Variants in BTNL8 observed in about 807,000 individuals in gnomAD.
BTNL8 encodes butyrophilin-like protein 8.
Under a neutral mutation model 36.1 loss-of-function variants are expected in BTNL8, and 22 were observed. The ratio of observed to expected loss-of-function variants is 0.61; its 90% CI spans 0.44 to 0.87. BTNL8 has a LOEUF of 0.87. Among genes scored for constraint, BTNL8 ranks in the 40% least tolerant of loss-of-function variants. BTNL8 has a pLI of 0.00. For missense variants in BTNL8, 526 were observed against 616.9 expected, an observed-to-expected ratio of 0.85 and a Z score of 1.56; for synonymous variants, 203 against 235.6, an observed-to-expected ratio of 0.86 and a Z score of 1.27.
At chr5:180,933,538 C>T (rs1758505716) in intron 3 of BTNL8, among the ~76,000 whole-genome samples, 2 of 152,226 alleles carry the variant, frequency 1.3e-5, no homozygotes, top group African/African-American at 4.8e-5. Flanking sequence ...TGCTTTCAAA[C>T]AACCATCGGG....
chr5:180,922,453 A>G (rs1311579746), intron 3 of BTNL8, among the ~76,000 whole-genome samples: 1 of 151,484 alleles, frequency 6.6e-6, no homozygotes, highest in Non-Finnish European at 1.5e-5. Flanking sequence ...TTATTTACCC[A>G]AAAGTCATTC....
At chr5:180,902,223 G>C (rs1756852667) in intron 1 of BTNL8, 1 of 812,118 alleles carries the variant, frequency 1.2e-6, no homozygotes, top group Non-Finnish European at 1.9e-6. Flanking sequence ...GCAGATGGGA[G>C]AGAATGTGGC....
intron 3 of BTNL8, among the ~76,000 whole-genome samples, chr5:180,918,748 G>A (rs1313474411): frequency 6.6e-6 from 1 of 152,182 alleles, no homozygotes; most frequent in East Asian, 1.9e-4. Flanking sequence ...GTCTAGAAAG[G>A]CAGGACAACT....
intron 3 of BTNL8, among the ~76,000 whole-genome samples, 175 bp from the exon 4 acceptor site, chr5:180,947,337 A>G (rs538414853): frequency 6.4e-4 from 97 of 152,346 alleles, no homozygotes; most frequent in African/African-American, 2.1e-3. Context: ...GAAGAAAATT[A>G]AATAGAACCA....
chr5:180,947,481 T>C (rs752462116), intron 3 of BTNL8, 31 bp from the exon 4 acceptor site: 2 of 1,607,762 alleles, frequency 1.2e-6, no homozygotes, highest in Non-Finnish European at 8.5e-7. Context: ...TGTTCACCAA[T>C]AACTAAAATG....
Position 180,929,285 on chromosome 5 carries a change from A to G in BTNL8, c.673+17671A>G, listed in dbSNP as rs146762489. 2.5e-3 allele frequency among the ~76,000 whole-genome samples: 378 copies of G among 152,348 alleles called. 2 individuals are homozygous for G. Among genetic ancestry groups the G allele is most frequent in the African/African-American group, 8.8e-3 (366 of 41,572 alleles). On this transcript the variant is annotated intron_variant, in intron 3 of 7. Transcript: ENST00000340184. ...ACCAATGAGAACAAAGACACAATGTACCAGAACCTCTGGGACACAGCTAAA... is the reference window on the plus strand; with the variant it reads ...ACCAATGAGAACAAAGACACAATGTGCCAGAACCTCTGGGACACAGCTAAA...
intron 3 of BTNL8, among the ~76,000 whole-genome samples, chr5:180,947,005 A>G (rs763332674): frequency 3.1e-4 from 47 of 152,238 alleles, no homozygotes; most frequent in Non-Finnish European, 6.5e-4. Flanking sequence ...ATTCCATTCA[A>G]AATCTCAGCA....
intron 3 of BTNL8, among the ~76,000 whole-genome samples, chr5:180,913,666 T>G (rs1757503552): frequency 6.6e-6 from 1 of 152,212 alleles, no homozygotes; most frequent in Non-Finnish European, 1.5e-5. Context: ...TATCGTTTGG[T>G]TGGCTGAAGC....
rs546040692 is a variant in BTNL8 at position 180,905,021 on chromosome 5, C to A, written c.50-3565C>A. Among the ~76,000 whole-genome samples, 30 of 150,662 alleles carry A rather than the reference C, an allele frequency of 2.0e-4. No homozygotes were observed. In the South Asian group the frequency reaches 6.2e-3, roughly 31 times the overall value. ...TTGTGTCTCTGCCTGGCTTTGGTAT[C>A]AGAATGATGCTAGCCTCATAAAATG... On this transcript the variant is annotated intron_variant, in intron 1 of 7. Transcript: ENST00000340184.
In BTNL8 at chr5:180,899,177, C is replaced by A; in HGVS notation, c.-134C>A. ...GACTCTCAGAACAGCGCAGTTTGCC[C>A]TCCGCTCACGCAGAGCCTCTCCGTG... On this transcript the variant is annotated 5_prime_UTR_variant, in exon 1 of 8. Transcript: ENST00000340184. The A allele has an allele frequency of 9.9e-7, 1 of 1,009,682 alleles. No homozygotes were observed. The highest frequency in any genetic ancestry group is 1.5e-6 in the Non-Finnish European group (1 of 654,850). 62.5% of individuals were successfully genotyped at this position (1,009,682 alleles called of 1,614,324 possible).
chr5:180,908,107 A>G (rs1328929306), intron 1 of BTNL8, among the ~76,000 whole-genome samples: 1 of 152,066 alleles, frequency 6.6e-6, no homozygotes, highest in East Asian at 1.9e-4. Context: ...CCCCTCCCCC[A>G]GCCTCGCTGC....
rs147552140 is a variant in BTNL8 at position 180,912,811 on chromosome 5, A to G, written c.673+1197A>G. On this transcript the variant is annotated intron_variant, in intron 3 of 7. Coordinates refer to ENST00000340184, the MANE Select transcript of BTNL8 (RefSeq NM_001040462.3). ...AAGCATGGGTTGACTGGTATATGATATTTTCAAACATGTGTGTCGACCTAG... is the reference window on the plus strand; with the variant it reads ...AAGCATGGGTTGACTGGTATATGATGTTTTCAAACATGTGTGTCGACCTAG... Among the ~76,000 whole-genome samples the G allele has an allele frequency of 3.0e-3, 451 of 151,952 alleles. 1 individual carries two copies. Among genetic ancestry groups the G allele is most frequent in the African/African-American group, 0.01 (431 of 41,526 alleles).
intron 3 of BTNL8, among the ~76,000 whole-genome samples, chr5:180,944,482 A>G: frequency 6.6e-6 from 1 of 152,202 alleles, no homozygotes; most frequent in East Asian, 1.9e-4. Flanking sequence ...ATCTCATAGA[A>G]GTAGAAAGTG....
intron 1 of BTNL8, among the ~76,000 whole-genome samples, chr5:180,906,889 T>G (rs1439375408): frequency 1.1e-5 from 1 of 92,872 alleles, no homozygotes; most frequent in Admixed American, 1.1e-4. Flanking sequence ...TGCCGAGAGA[T>G]CCGCTGTTAG....
In BTNL8 at chr5:180,939,869, A is replaced by T. The variant is rs537990190; in HGVS notation, c.674-7643A>T. ...CAAAACAACCTCAACAATTTTTTTTAAAATAAAAACTATATCAAATATATT... is the reference window on the plus strand; with the variant it reads ...CAAAACAACCTCAACAATTTTTTTTTAAATAAAAACTATATCAAATATATT... On this transcript the variant is annotated intron_variant, in intron 3 of 7. Transcript: ENST00000340184. Among the ~76,000 whole-genome samples the T allele has an allele frequency of 5.3e-4, 80 of 152,174 alleles. 1 individual carries two copies. Among genetic ancestry groups the T allele is most frequent in the Admixed American group, 1.4e-3 (22 of 15,282 alleles).
At chr5:180,914,423 A>C (rs1291616759) in intron 3 of BTNL8, among the ~76,000 whole-genome samples, 1 of 152,256 alleles carries the variant, frequency 6.6e-6, no homozygotes, top group Non-Finnish European at 1.5e-5. Flanking sequence ...CAAATGAGCC[A>C]GTCTGTAGTA....
At chr5:180,908,537 C>G (rs757122573) in intron 1 of BTNL8, 49 bp from the exon 2 acceptor site, 5 of 1,575,270 alleles carry the variant, frequency 3.2e-6, no homozygotes, top group Non-Finnish European at 3.5e-6. Context: ...GCTCCTCCCC[C>G]TCACTACAAA....
chr5:180,941,916 T>TTTTTTTTTTTTGAGACGGAGTCTCGC (rs1172840637), intron 3 of BTNL8, among the ~76,000 whole-genome samples: 1 of 150,532 alleles, frequency 6.6e-6, no homozygotes, highest in African/African-American at 2.5e-5. Flanking sequence ...ACTACTCTTA[T>TTTTTTTTTTTTGAGACGGAGTCTCGC]TCAACAAAGT....
At position 180,940,265 on chromosome 5, in the gene BTNL8, G is replaced by A. The variant is rs189649134; in HGVS notation, c.674-7247G>A. Among the ~76,000 whole-genome samples, 265 of 152,010 alleles carry A rather than the reference G, an allele frequency of 1.7e-3. 1 individual carries two copies. Among genetic ancestry groups the A allele is most frequent in the African/African-American group, 6.3e-3 (259 of 41,412 alleles). On this transcript the variant is annotated intron_variant, in intron 3 of 7. Coordinates refer to ENST00000340184, the MANE Select transcript of BTNL8 (RefSeq NM_001040462.3). The stretch of plus-strand genomic sequence containing the variant: ...GAGGCAGGAGAATCTCTTGAACCAG[G>A]GAGGCAGAGGTTGCAGTGAGCTGAG...
Sources: allele counts gnomAD v4.1 joint callset (sites outside exome capture counted in the v4.1 genomes callset), GRCh38; gene constraint gnomAD v4.1.1; transcripts MANE v1.5; gene names NCBI Gene and HGNC (gene_info 2026-07-23, HGNC 2026-07-21).